The following EEPD1 variants were observed in gnomAD, a reference collection of about 807,000 sequenced individuals.
EEPD1 encodes endonuclease/exonuclease/phosphatase family domain containing 1.
EEPD1 carries 17 observed loss-of-function variants against 46.3 expected under a neutral mutation model. The ratio of observed to expected loss-of-function variants is 0.37; its 90% CI spans 0.25 to 0.55. The LOEUF is 0.55. Among genes scored for constraint, EEPD1 ranks in the 20% least tolerant of loss-of-function variants. EEPD1 has a pLI of 0.83. For synonymous variants in EEPD1, 313 were observed against 315.6 expected, an observed-to-expected ratio of 0.99 and a Z score of 0.09; for missense variants, 673 against 745.6, an observed-to-expected ratio of 0.90 and a Z score of 1.13.
intron 2 of EEPD1, among the ~76,000 whole-genome samples, chr7:36,157,159 T>G (rs1414510671): frequency 6.6e-6 from 1 of 152,224 alleles, no homozygotes; most frequent in Non-Finnish European, 1.5e-5. Flanking sequence ...ATATGCCATT[T>G]TATATCAGGG....
chr7:36,258,123 C>T (rs1041693081), intron 3 of EEPD1, among the ~76,000 whole-genome samples: 3 of 152,180 alleles, frequency 2.0e-5, no homozygotes, highest in East Asian at 1.9e-4. Flanking sequence ...AGGTCCACTC[C>T]GGACCCCGTT....
At chr7:36,182,236 A>G (rs1785280378) in intron 2 of EEPD1, among the ~76,000 whole-genome samples, 1 of 152,272 alleles carries the variant, frequency 6.6e-6, no homozygotes, top group Non-Finnish European at 1.5e-5. Context: ...TATAGTGTTC[A>G]GAGCAAAAAG....
At chr7:36,163,883 G>GAAAAA (rs11411037) in intron 2 of EEPD1, among the ~76,000 whole-genome samples, 1 of 111,058 alleles carries the variant, frequency 9.0e-6, no homozygotes, top group Non-Finnish European at 1.9e-5. Flanking sequence ...ATCTCAGGAA[G>GAAAAA]AAAAAAAAAA....
rs139133421 is a variant in EEPD1 at position 36,241,713 on chromosome 7, A to G, written c.930+2677A>G. Among the ~76,000 whole-genome samples the G allele has an allele frequency of 5.7e-3, 867 of 152,146 alleles. 6 individuals are homozygous for G. Among genetic ancestry groups the G allele is most frequent in the African/African-American group, 0.02 (825 of 41,498 alleles). ...GAAACCCGGTCTCTGCTAAAAATAC[A>G]AAACTTAGCCAGGCGGTAGTGGCAT... On this transcript the variant is annotated intron_variant, in intron 3 of 7. Coordinates refer to ENST00000242108, the MANE Select transcript of EEPD1 (RefSeq NM_030636.3).
At chr7:36,235,203 G>T (rs1460461159) in intron 2 of EEPD1, among the ~76,000 whole-genome samples, 1 of 149,646 alleles carries the variant, frequency 6.7e-6, no homozygotes, top group East Asian at 2.0e-4. Context: ...TCCAGCCCAG[G>T]CCTTCCCCAC....
chr7:36,177,854 C>T (rs187699660), intron 2 of EEPD1, among the ~76,000 whole-genome samples: 11 of 152,212 alleles, frequency 7.2e-5, no homozygotes, highest in African/African-American at 1.4e-4. Context: ...GCTAGGATTA[C>T]GGGTGCGCAC....
intron 3 of EEPD1, among the ~76,000 whole-genome samples, chr7:36,269,749 A>T (rs1313849591): frequency 8.9e-6 from 1 of 111,774 alleles, no homozygotes; most frequent in Non-Finnish European, 2.2e-5. Context: ...TTAAAATTTT[A>T]AAAAATAAAG....
In EEPD1 at chr7:36,297,080, A is replaced by G; in HGVS notation, c.1403A>G (p.His468Arg). The G allele has an allele frequency of 1.2e-6, 2 of 1,614,188 alleles. No individual in the cohort carries two copies. Among genetic ancestry groups the G allele is most frequent in the Non-Finnish European group, 1.7e-6 (2 of 1,180,040 alleles). The stretch of plus-strand genomic sequence containing the variant: ...ATCCTGAGGAAAGAAAAGTTCCACC[A>G]CCTGATCCCCGCGCACACCTTCACC... Reference protein sequence around the residue: ...YDILRKEKFHHLIPAHTFTNI... With the variant: ...YDILRKEKFHRLIPAHTFTNI... Residue 468 changes from histidine (H) to arginine (R), a missense_variant, in exon 7 of 8, where the codon CAC (histidine) becomes CGC (arginine). Physicochemically the swap from His to Arg is conservative, Grantham distance 29. Coordinates refer to ENST00000242108, the MANE Select transcript of EEPD1 (RefSeq NM_030636.3).
intron 2 of EEPD1, among the ~76,000 whole-genome samples, chr7:36,229,719 ACTCT>A (rs5883538): frequency 0.96 from 145,390 of 152,010 alleles, 69,869 homozygotes; most frequent in East Asian, 1. Flanking sequence ...CTCTTGCAGC[ACTCT>A]CCCCCTATGG....
intron 2 of EEPD1, among the ~76,000 whole-genome samples, chr7:36,204,762 G>A (rs780129616): frequency 4.6e-5 from 7 of 152,124 alleles, no homozygotes; most frequent in Non-Finnish European, 1.0e-4. Context: ...AAGGCCTCCC[G>A]GAGTTTCTGA....
intron 2 of EEPD1, among the ~76,000 whole-genome samples, chr7:36,238,167 C>A (rs1223048519): frequency 6.6e-6 from 1 of 152,100 alleles, no homozygotes; most frequent in Non-Finnish European, 1.5e-5. Context: ...CATGCTAATG[C>A]ATTATAATTA....
chr7:36,224,622 C>T (rs184381703), intron 2 of EEPD1, among the ~76,000 whole-genome samples: 5 of 151,970 alleles, frequency 3.3e-5, no homozygotes, highest in African/African-American at 4.8e-5. Context: ...AACAGTAAAA[C>T]GTGAAGAAAG....
chr7:36,171,709 A>G (rs1785086844), intron 2 of EEPD1, among the ~76,000 whole-genome samples: 3 of 152,232 alleles, frequency 2.0e-5, no homozygotes, highest in African/African-American at 7.2e-5. Flanking sequence ...TTTCACAGTG[A>G]GTAAGTATAG....
intron 3 of EEPD1, among the ~76,000 whole-genome samples, chr7:36,262,652 G>GT (rs780250420): frequency 2.0e-4 from 30 of 152,272 alleles, no homozygotes; most frequent in Non-Finnish European, 3.2e-4. Context: ...CATGTACAGT[G>GT]TGTTTAGTGA....
At chr7:36,288,308 A>G (rs1787371533) in intron 6 of EEPD1, among the ~76,000 whole-genome samples, 1 of 152,182 alleles carries the variant, frequency 6.6e-6, no homozygotes, top group African/African-American at 2.4e-5. Flanking sequence ...AAGCCACCAA[A>G]CCACTTCAGG....
chr7:36,200,508 C>CA (rs1375716082), intron 2 of EEPD1, among the ~76,000 whole-genome samples: 1 of 152,168 alleles, frequency 6.6e-6, no homozygotes, highest in Non-Finnish European at 1.5e-5. Context: ...TTGCTTTAAG[C>CA]ATGCATAATT....
At chr7:36,276,497 C>T (rs1390921820) in intron 3 of EEPD1, among the ~76,000 whole-genome samples, 1 of 152,146 alleles carries the variant, frequency 6.6e-6, no homozygotes, top group African/African-American at 2.4e-5. Context: ...CATAGTGTGA[C>T]GGGCTCAGTA....
At chr7:36,250,753 G>A (rs771652897) in intron 3 of EEPD1, among the ~76,000 whole-genome samples, 41 of 152,208 alleles carry the variant, frequency 2.7e-4, no homozygotes, top group Middle Eastern at 6.8e-3. Context: ...AGAAAGATGC[G>A]TATATGTACC....
rs527355191 is a variant in EEPD1, at chr7:36,258,276, G to A, written c.930+19240G>A. On this transcript the variant is annotated intron_variant, in intron 3 of 7. Coordinates refer to ENST00000242108, the MANE Select transcript of EEPD1 (RefSeq NM_030636.3). ...AGGTGTCTGTCAACCCCTGCTGGGA[G>A]GTGTCTCCCAGTCAGGAGGCACAGG... Among the ~76,000 whole-genome samples, 4 of 152,306 alleles carry A rather than the reference G, an allele frequency of 2.6e-5. No homozygotes were observed. The South Asian group carries it at 8.3e-4, about 32-fold the overall frequency.
Sources: allele counts gnomAD v4.1 joint callset (sites outside exome capture counted in the v4.1 genomes callset), GRCh38; gene constraint gnomAD v4.1.1; transcripts MANE v1.5; gene names NCBI Gene and HGNC (gene_info 2026-07-23, HGNC 2026-07-21).